WIPF1: variants seen among roughly 807,000 people sequenced by gnomAD.
WIPF1 encodes the protein WAS/WASL interacting protein family member 1.
Under a neutral mutation model 35.4 loss-of-function variants are expected in WIPF1, and 13 were observed. The ratio of observed to expected loss-of-function variants is 0.37; its 90% confidence interval spans 0.24 to 0.58. WIPF1 has a LOEUF of 0.58. WIPF1 is among the 20% of genes least tolerant of loss of function. WIPF1 has a pLI of 0.74. For synonymous variants in WIPF1, 267 were observed against 266.3 expected, an observed-to-expected ratio of 1.00 and a Z score of -0.02; for missense variants, 591 against 667.0, an observed-to-expected ratio of 0.89 and a Z score of 1.25.
intron 1 of WIPF1, among the ~76,000 whole-genome samples, chr2:174,595,370 T>A (rs2105868852): frequency 6.6e-6 from 1 of 151,234 alleles, no homozygotes; most frequent in African/African-American, 2.4e-5. Flanking sequence ...CAAGCTGCAC[T>A]TGTGAAAAAA....
chr2:174,660,880 A>G (rs1031740839), intron 1 of WIPF1, among the ~76,000 whole-genome samples: 1 of 152,208 alleles, frequency 6.6e-6, no homozygotes, highest in South Asian at 2.1e-4. Context: ...GGGACAGAAA[A>G]AGTGCATGAT....
In WIPF1 at chr2:174,592,874, A is replaced by G. The variant is rs539556884; in HGVS notation, c.-39+4727T>C. ...ACCCGCATCAGCCTCCCAAGATGCT[A>G]TGATAATAGGCATGAGCCACCATGC... On this transcript the variant is annotated intron_variant, in intron 1 of 7. Coordinates refer to ENST00000679041, the MANE Select transcript of WIPF1 (RefSeq NM_001375834.1). Among the ~76,000 whole-genome samples the G allele has an allele frequency of 3.3e-5, 5 of 152,210 alleles. No homozygotes were observed. The South Asian group carries it at 8.3e-4, about 25-fold the overall frequency.
intron 1 of WIPF1, among the ~76,000 whole-genome samples, chr2:174,607,090 A>G (rs186535792): frequency 2.6e-5 from 4 of 152,300 alleles, no homozygotes; most frequent in African/African-American, 9.6e-5. Context: ...TCCCATGATA[A>G]GGACATTAAT....
intron 1 of WIPF1, among the ~76,000 whole-genome samples, chr2:174,654,803 C>G (rs1687608558): frequency 1.3e-5 from 2 of 152,158 alleles, no homozygotes; most frequent in Admixed American, 6.5e-5. Flanking sequence ...CAACCCCAGT[C>G]CTGAACTGTG....
At position 174,561,968 on chromosome 2, in the gene WIPF1, T is replaced by A; in HGVS notation, c.*579A>T. ...TTTGGATGCATATTAACTTCACTTG[T>A]TTAAAATATATTAGAAATGTAAAAA... On this transcript the variant is annotated 3_prime_UTR_variant, in exon 8 of 8. Transcript: ENST00000679041. 1 of 1,274,046 alleles carries A rather than the reference T, an allele frequency of 7.8e-7. No individual in the cohort carries two copies. Among genetic ancestry groups the A allele is most frequent in the Non-Finnish European group, 1.1e-6 (1 of 923,820 alleles). The allele number at this position is 1,274,046 out of a possible 1,614,324, so 78.9% of individuals were successfully genotyped here.
chr2:174,640,760 G>T (rs969213029), intron 1 of WIPF1, among the ~76,000 whole-genome samples: 1 of 151,418 alleles, frequency 6.6e-6, no homozygotes, highest in African/African-American at 2.4e-5. Flanking sequence ...ATCCCTCCCC[G>T]CTTTAATTTT....
rs370560716 is a variant in WIPF1 at position 174,572,163 on chromosome 2, G to C, written c.642C>G (p.Ser214Arg). 1.2e-6 allele frequency: 2 copies of C among 1,613,764 alleles called. No homozygotes were observed. The highest frequency in any genetic ancestry group is 1.7e-6 in the Non-Finnish European group (2 of 1,179,914). ...PPVPGGPRQP[S>R]PGPTPPPFPG... ...GGAAAGGGGGAGGAGTGGGCCCGGG[G>C]CTGGGCTGCCTGGGGCCTCCGGGCA... Residue 214 changes from serine to arginine, a missense_variant, in exon 5 of 8, where the codon AGC becomes AGG. By Grantham distance (110) the Ser-to-Arg change is moderately radical (BLOSUM62 -1). Transcript: ENST00000679041.
chr2:174,651,660 G>A (rs777635898), intron 1 of WIPF1, among the ~76,000 whole-genome samples: 3 of 152,188 alleles, frequency 2.0e-5, no homozygotes, highest in Non-Finnish European at 2.9e-5. Flanking sequence ...ACAACGATGT[G>A]TTATATGGTA....
intron 1 of WIPF1, among the ~76,000 whole-genome samples, chr2:174,668,779 GAAC>G (rs1687947183): frequency 6.6e-6 from 1 of 152,224 alleles, no homozygotes; most frequent in Non-Finnish European, 1.5e-5. Flanking sequence ...AGAGGGACAT[GAAC>G]AACACTGGGT....
chr2:174,573,425 G>A (rs1016114058), intron 4 of WIPF1, among the ~76,000 whole-genome samples: 20 of 152,176 alleles, frequency 1.3e-4, no homozygotes, highest in African/African-American at 3.9e-4. Context: ...ACATTCTTGT[G>A]GGGGGAGATA....
intron 1 of WIPF1, among the ~76,000 whole-genome samples, chr2:174,606,857 G>A (rs1181338058): frequency 1.3e-5 from 2 of 152,132 alleles, no homozygotes; most frequent in African/African-American, 4.8e-5. Context: ...TCTGTTTTGT[G>A]CTGCTGTAAC....
intron 1 of WIPF1, among the ~76,000 whole-genome samples, chr2:174,617,376 A>G (rs564300790): frequency 6.6e-6 from 1 of 152,340 alleles, no homozygotes; most frequent in African/African-American, 2.4e-5. Context: ...GGCCAGGAGA[A>G]ATACCAAATC....
intron 1 of WIPF1, among the ~76,000 whole-genome samples, chr2:174,604,362 A>C (rs1359691433): frequency 6.6e-6 from 1 of 152,242 alleles, no homozygotes; most frequent in Admixed American, 6.5e-5. Context: ...TTTATTGAGG[A>C]TGTTTCAACA....
At chr2:174,655,268 G>C (rs540334749) in intron 1 of WIPF1, among the ~76,000 whole-genome samples, 2 of 151,886 alleles carry the variant, frequency 1.3e-5, no homozygotes, top group Non-Finnish European at 2.9e-5. Context: ...TCCCTTGCCC[G>C]GCCTTCTGTA....
intron 1 of WIPF1, among the ~76,000 whole-genome samples, chr2:174,609,737 G>T (rs915581734): frequency 6.6e-6 from 1 of 152,200 alleles, no homozygotes; most frequent in Non-Finnish European, 1.5e-5. Context: ...TGGGCACGGG[G>T]TCAGTCGGGG....
chr2:174,639,614 C>A (rs182970337), intron 1 of WIPF1, among the ~76,000 whole-genome samples: 1 of 152,132 alleles, frequency 6.6e-6, no homozygotes, highest in East Asian at 1.9e-4. Context: ...TGGATATTAA[C>A]CCCTTGTCAG....
chr2:174,604,130 T>C (rs1225340975), intron 1 of WIPF1, among the ~76,000 whole-genome samples: 2 of 152,140 alleles, frequency 1.3e-5, no homozygotes. Flanking sequence ...CATAAAGAAA[T>C]AGGGCAAGAA....
At position 174,622,779 on chromosome 2, in the gene WIPF1, A is replaced by G. The variant is rs181127563; in HGVS notation, c.-38-37168T>C. ...CTTAACAATTTTTATTTTTGTTTTT[A>G]ATTTTTGTGGGTACACAGTCTTTGT... On this transcript the variant is annotated intron_variant, in intron 1 of 8. Coordinates refer to the WIPF1 transcript ENST00000272746. The surrounding 1 kb of genome is among the most constrained non-coding windows in gnomAD (Gnocchi z 5.1). 3.7e-4 allele frequency among the ~76,000 whole-genome samples: 57 copies of G among 152,278 alleles called. 1 individual carries two copies. The highest frequency in any genetic ancestry group is 1.3e-3 in the African/African-American group (53 of 41,538).
Position 174,592,750 on chromosome 2 carries a change from C to T in WIPF1, c.-39+4851G>A, listed in dbSNP as rs192739370. Among the ~76,000 whole-genome samples the T allele has an allele frequency of 1.6e-3, 241 of 151,956 alleles. 2 individuals are homozygous for T. The highest frequency in any genetic ancestry group is 4.7e-3 in the African/African-American group (197 of 41,474). ...CCTCCCGAGTAGCTGGGATTACAGG[C>T]GTGTGCCATCACACTTGGCTAATTT... On this transcript the variant is annotated intron_variant, in intron 1 of 7. Coordinates refer to ENST00000679041, the MANE Select transcript of WIPF1 (RefSeq NM_001375834.1).
Sources: gnomAD v4.1 joint callset for allele counts (sites outside exome capture counted in the v4.1 genomes callset) on GRCh38, gnomAD v4.1.1 for gene constraint, Gnocchi (gnomAD v3.1) non-coding constraint, MANE v1.5 for transcripts, NCBI Gene and HGNC (gene_info 2026-07-23, HGNC 2026-07-21) for gene names.